Variants in EYS observed in about 807,000 individuals in gnomAD.
The protein encoded by EYS is protein eyes shut homolog.
EYS carries 250 observed loss-of-function variants against 282.1 expected under a neutral mutation model. The ratio of observed to expected loss-of-function variants is 0.89; its 90% confidence interval spans 0.80 to 0.98. The LOEUF is 0.98. EYS is among the 50% of genes least tolerant of loss of function. The probability of loss-of-function intolerance (pLI) is 0.00; values close to 1 mark genes in which losing one functional copy is unlikely to be tolerated. For missense variants in EYS, 4,016 were observed against 3,709.0 expected (o/e 1.08, Z -2.15); for synonymous variants, 1,355 against 1,282.9 (o/e 1.06, Z -1.20).
At chr6:65,474,926 A>T (rs556503174) in intron 5 of EYS, among the ~76,000 whole-genome samples, 1 of 152,188 alleles carries the variant, frequency 6.6e-6, no homozygotes, top group Non-Finnish European at 1.5e-5. Context: ...CGGAGAATGT[A>T]AAAAACAGAG....
At chr6:64,025,393 A>C (rs1303181330) in intron 33 of EYS, among the ~76,000 whole-genome samples, 1 of 152,162 alleles carries the variant, frequency 6.6e-6, no homozygotes, top group Admixed American at 6.5e-5. Flanking sequence ...ATGTCGCCCA[A>C]GCAAGACTCA....
chr6:64,393,217 T>A (rs1461045154), intron 28 of EYS, among the ~76,000 whole-genome samples: 1 of 152,280 alleles, frequency 6.6e-6, no homozygotes, highest in Non-Finnish European at 1.5e-5. Flanking sequence ...GAGGAACTGG[T>A]ACCATTCCTT....
At chr6:63,971,824 G>A (rs994498162) in intron 35 of EYS, among the ~76,000 whole-genome samples, 2 of 152,164 alleles carry the variant, frequency 1.3e-5, no homozygotes, top group African/African-American at 4.8e-5. Flanking sequence ...CATTTCAATT[G>A]TATTTGTCAT....
chr6:64,456,137 A>G (rs1156455404), intron 26 of EYS, among the ~76,000 whole-genome samples: 1 of 152,120 alleles, frequency 6.6e-6, no homozygotes, highest in East Asian at 1.9e-4. Context: ...ATTTGGTAAC[A>G]CAAATTTGTG....
intron 31 of EYS, among the ~76,000 whole-genome samples, chr6:64,084,796 C>G (rs1245365414): frequency 6.6e-6 from 1 of 152,130 alleles, no homozygotes; most frequent in Non-Finnish European, 1.5e-5. Flanking sequence ...CAGGAAGAAA[C>G]CTTTCTAAAG....
chr6:64,521,620 CA>C (rs1200208006), intron 26 of EYS, among the ~76,000 whole-genome samples: 3 of 151,722 alleles, frequency 2.0e-5, no homozygotes, highest in Non-Finnish European at 3.0e-5. Context: ...CACAGAACTA[CA>C]AAGGGCAGAA....
At chr6:64,844,734 G>A (rs1765669603) in intron 19 of EYS, among the ~76,000 whole-genome samples, 2 of 151,862 alleles carry the variant, frequency 1.3e-5, no homozygotes, top group East Asian at 1.9e-4. Context: ...TTCCAACTTT[G>A]GACTTTTATA....
At chr6:64,995,813 T>C (rs1440422671) in intron 14 of EYS, among the ~76,000 whole-genome samples, 2 of 150,110 alleles carry the variant, frequency 1.3e-5, no homozygotes, top group East Asian at 4.0e-4. Context: ...TTAGTGGCAA[T>C]TCATAAAATA....
intron 13 of EYS, among the ~76,000 whole-genome samples, chr6:65,031,925 C>A (rs1361482566): frequency 6.6e-6 from 1 of 151,606 alleles, no homozygotes; most frequent in Non-Finnish European, 1.5e-5. Flanking sequence ...AAAAGATAAA[C>A]AAAACCCAAA....
chr6:64,028,815 C>A (rs1024810176), intron 33 of EYS, among the ~76,000 whole-genome samples: 1 of 152,176 alleles, frequency 6.6e-6, no homozygotes, highest in African/African-American at 2.4e-5. Context: ...TACTCTAGAT[C>A]TTTTGAACTT....
chr6:65,178,901 A>G (rs926844526), intron 12 of EYS, among the ~76,000 whole-genome samples: 6 of 152,098 alleles, frequency 3.9e-5, no homozygotes, highest in African/African-American at 1.4e-4. Context: ...CTCAGGATTA[A>G]CAAACTCACT....
At chr6:65,538,068 A>G (rs932372155) in intron 2 of EYS, among the ~76,000 whole-genome samples, 8 of 152,188 alleles carry the variant, frequency 5.3e-5, no homozygotes, top group African/African-American at 1.4e-4. Context: ...AATAAAAAAT[A>G]TAACTTGATT....
rs2150286322 is a variant in EYS at position 65,296,009 on chromosome 6, T to C, written c.1877A>G (p.Asn626Ser). The C allele has an allele frequency of 1.3e-6, 2 of 1,551,266 alleles. No homozygotes were observed. The highest frequency in any genetic ancestry group is 4.9e-5 in the East Asian group (2 of 40,888). ...TCTTTGCAGACCGCTACAGTTACAA[T>C]TGTGCGAAAGGGCCAGGCAGAGGCC... The part of the protein sequence containing the change: ...VHGLCLALSH[N>S]CNCSGLQRYE... Residue 626 changes from asparagine (N) to serine (S), a missense_variant, in exon 12 of 43, where the codon AAT becomes AGT. Physicochemically the swap from Asn to Ser is conservative, Grantham distance 46 (BLOSUM62 1). Coordinates refer to ENST00000503581, the MANE Select transcript of EYS (RefSeq NM_001142800.2).
At chr6:65,475,293 A>G (rs531356036) in intron 5 of EYS, among the ~76,000 whole-genome samples, 1 of 152,290 alleles carries the variant, frequency 6.6e-6, no homozygotes, top group South Asian at 2.1e-4. Context: ...CATAAAAACA[A>G]ACTACATTAG....
chr6:64,679,529 C>T (rs1467990864), intron 22 of EYS, among the ~76,000 whole-genome samples: 4 of 152,044 alleles, frequency 2.6e-5, no homozygotes, highest in Admixed American at 6.5e-5. Flanking sequence ...TCTGTAGAAC[C>T]GCATTTTCAG....
At chr6:65,386,650 A>G (rs1308642736) in intron 7 of EYS, among the ~76,000 whole-genome samples, 1 of 151,992 alleles carries the variant, frequency 6.6e-6, no homozygotes, top group African/African-American at 2.4e-5. Flanking sequence ...CTGGAACAAC[A>G]TGGACCTTTT....
intron 31 of EYS, among the ~76,000 whole-genome samples, chr6:64,165,908 G>T (rs566846194): frequency 6.6e-6 from 1 of 152,314 alleles, no homozygotes; most frequent in Admixed American, 6.5e-5. Context: ...GGAAAAGATA[G>T]TGCCTGACAA....
intron 33 of EYS, among the ~76,000 whole-genome samples, chr6:64,048,902 T>C (rs1770717249): frequency 7.0e-6 from 1 of 143,648 alleles, no homozygotes; most frequent in Non-Finnish European, 1.6e-5. Context: ...CTCCTGCCAT[T>C]CTTTTCCCCC....
In EYS at chr6:64,314,892, A is replaced by C. The variant is rs545679185; in HGVS notation, c.6079-7810T>G. Among the ~76,000 whole-genome samples, 8 of 152,306 alleles carry C rather than the reference A, an allele frequency of 5.3e-5. No homozygotes were observed. The South Asian group carries it at 1.5e-3, about 28-fold the overall frequency. On this transcript the variant is annotated intron_variant, in intron 29 of 42. Coordinates refer to ENST00000503581, the MANE Select transcript of EYS (RefSeq NM_001142800.2). Reference sequence around the variant, plus strand: ...GAGAAGCAAGAGCAAACACGTTCAAAAGCTAGCAGAAGACAAGAAATAACT... The same window carrying C: ...GAGAAGCAAGAGCAAACACGTTCAACAGCTAGCAGAAGACAAGAAATAACT...
Sources: allele counts gnomAD v4.1 joint callset (sites outside exome capture counted in the v4.1 genomes callset), GRCh38; gene constraint gnomAD v4.1.1; transcripts MANE v1.5; gene names NCBI Gene and HGNC (gene_info 2026-07-23, HGNC 2026-07-21).